MAPK10: variants seen among roughly 807,000 people sequenced by gnomAD.
The protein encoded by MAPK10 is mitogen-activated protein kinase 10, also known as JNK3 alpha protein kinase.
Under a neutral mutation model 59.3 loss-of-function variants are expected in MAPK10, and 25 were observed. The observed-to-expected ratio is 0.42, with a 90% CI of 0.31 to 0.59. MAPK10 has a LOEUF of 0.59. Among genes scored for constraint, MAPK10 ranks in the 20% least tolerant of loss-of-function variants. The pLI, the probability that MAPK10 is intolerant of heterozygous loss-of-function variation, is 0.15. For synonymous variants in MAPK10, 190 were observed against 200.5 expected, an observed-to-expected ratio of 0.95 and a Z score of 0.44; for missense variants, 351 against 568.9, an observed-to-expected ratio of 0.62 and a Z score of 3.90.
chr4:86,592,278 C>G (rs562688455), intron 1 of MAPK10, among the ~76,000 whole-genome samples: 2 of 151,890 alleles, frequency 1.3e-5, no homozygotes, highest in Non-Finnish European at 2.9e-5. Flanking sequence ...TATTTTAAAA[C>G]CAGTCTTTCA....
At chr4:86,374,519 A>G (rs1276794693) in intron 1 of MAPK10, among the ~76,000 whole-genome samples, 1 of 152,198 alleles carries the variant, frequency 6.6e-6, no homozygotes, top group African/African-American at 2.4e-5. Context: ...AGCCTATGGA[A>G]AGGTGGCAGT....
chr4:86,172,874 A>T (rs764927798), intron 3 of MAPK10, among the ~76,000 whole-genome samples: 1 of 152,108 alleles, frequency 6.6e-6, no homozygotes, highest in African/African-American at 2.4e-5. Flanking sequence ...CAATTGCTAC[A>T]AAGAGAATAA....
chr4:86,165,103 G>A (rs1361198122), intron 3 of MAPK10, among the ~76,000 whole-genome samples: 1 of 152,136 alleles, frequency 6.6e-6, no homozygotes, highest in Non-Finnish European at 1.5e-5. Context: ...GTGCACTTGT[G>A]GAAAATTAGC....
intron 2 of MAPK10, among the ~76,000 whole-genome samples, chr4:86,297,892 G>T (rs1157939431): frequency 6.6e-6 from 1 of 152,148 alleles, no homozygotes. Context: ...TGGCATAGAA[G>T]ATCTCTCATG....
intron 2 of MAPK10, among the ~76,000 whole-genome samples, chr4:86,200,794 G>T (rs976926713): frequency 6.6e-6 from 1 of 151,816 alleles, no homozygotes; most frequent in African/African-American, 2.4e-5. Context: ...AATGTGTAAT[G>T]ACTAAATCAG....
intron 1 of MAPK10, among the ~76,000 whole-genome samples, chr4:86,551,576 TTC>T (rs146552435): frequency 6.0e-4 from 89 of 148,772 alleles, no homozygotes; most frequent in Non-Finnish European, 5.7e-4. Context: ...CTCTCTTTCT[TTC>T]TCTCTCTCTC....
chr4:86,372,564 G>GAAAGAAAGAAAAGAAAAGAAAAGA, intron 1 of MAPK10, among the ~76,000 whole-genome samples: 71 of 78,614 alleles, frequency 9.0e-4, no homozygotes, highest in African/African-American at 2.8e-3. Context: ...AAGAAAGAAA[G>GAAAGAAAGAAAAGAAAAGAAAAGA]AAAGAAAAGA....
chr4:86,434,913 G>A (rs1169769216), intron 1 of MAPK10, among the ~76,000 whole-genome samples: 2 of 152,096 alleles, frequency 1.3e-5, no homozygotes, highest in African/African-American at 4.8e-5. Context: ...ATGAATGAGT[G>A]GATAAATAAA....
At chr4:86,294,897 G>A (rs1459704835) in intron 2 of MAPK10, among the ~76,000 whole-genome samples, 2 of 152,148 alleles carry the variant, frequency 1.3e-5, no homozygotes, top group African/African-American at 4.8e-5. Context: ...ACAAGGCTTT[G>A]GAAAGAACCT....
intron 1 of MAPK10, among the ~76,000 whole-genome samples, chr4:86,444,773 T>C (rs1390901257): frequency 6.7e-6 from 1 of 149,410 alleles, no homozygotes; most frequent in Non-Finnish European, 1.5e-5. Context: ...GAACAGACAC[T>C]TCTCAAAAGA....
At chr4:86,198,359 C>T (rs1324495863) in intron 2 of MAPK10, among the ~76,000 whole-genome samples, 1 of 152,052 alleles carries the variant, frequency 6.6e-6, no homozygotes, top group Non-Finnish European at 1.5e-5. Context: ...GTCACCTGAA[C>T]ATTACATCAT....
intron 1 of MAPK10, among the ~76,000 whole-genome samples, chr4:86,534,796 T>C (rs768216238): frequency 6.6e-6 from 1 of 151,826 alleles, no homozygotes; most frequent in Non-Finnish European, 1.5e-5. Context: ...ATCCCAGCTA[T>C]TCAGGAGGCT....
At chr4:86,197,303 G>A (rs914899692) in intron 2 of MAPK10, among the ~76,000 whole-genome samples, 1 of 151,978 alleles carries the variant, frequency 6.6e-6, no homozygotes, top group Non-Finnish European at 1.5e-5. Context: ...GTCTTCCTAG[G>A]TATTTTGTTC....
At chr4:86,029,970 C>G (rs2043648) in intron 12 of MAPK10, among the ~76,000 whole-genome samples, 3 of 142,538 alleles carry the variant, frequency 2.1e-5, no homozygotes. Context: ...TCTGTTTACT[C>G]TGTCCCTTTA....
chr4:86,113,929 C>G (rs2057924209), intron 4 of MAPK10, among the ~76,000 whole-genome samples: 1 of 152,110 alleles, frequency 6.6e-6, no homozygotes, highest in South Asian at 2.1e-4. Flanking sequence ...TCTTTTTTCT[C>G]TAACCTTGCC....
chr4:86,229,406 T>C (rs2091196247), intron 2 of MAPK10, among the ~76,000 whole-genome samples: 1 of 152,162 alleles, frequency 6.6e-6, no homozygotes, highest in South Asian at 2.1e-4. Flanking sequence ...ATATTATGCC[T>C]ACACCTGAAA....
Position 86,145,230 on chromosome 4 carries a change from C to T in MAPK10, c.236+14068G>A, listed in dbSNP as rs866754129. Among the ~76,000 whole-genome samples the T allele has an allele frequency of 3.6e-4, 33 of 91,988 alleles. 11 individuals are homozygous for T. The highest frequency in any genetic ancestry group is 1.8e-3 in the African/African-American group (29 of 15,754). 60.3% of individuals were successfully genotyped at this position (91,988 alleles called of 152,430 possible). On this transcript the variant is annotated intron_variant, in intron 4 of 13. Transcript: ENST00000641462. ...TTCTATCTCTAGCCGGGCGTGGTGGCGCGCGCCTGTAGTCCCAGCTACACG... is the reference window on the plus strand; with the variant it reads ...TTCTATCTCTAGCCGGGCGTGGTGGTGCGCGCCTGTAGTCCCAGCTACACG...
At chr4:86,266,840 A>G (rs2094258499) in intron 2 of MAPK10, among the ~76,000 whole-genome samples, 1 of 152,130 alleles carries the variant, frequency 6.6e-6, no homozygotes, top group Non-Finnish European at 1.5e-5. Flanking sequence ...TAAAAATATA[A>G]TAACACATCA....
chr4:86,468,714 C>T (rs574801690), intron 1 of MAPK10, among the ~76,000 whole-genome samples: 4 of 152,102 alleles, frequency 2.6e-5, no homozygotes, highest in East Asian at 1.9e-4. Flanking sequence ...ATTAGCCAGG[C>T]GTGGTGGCAT....
Sources: gnomAD v4.1 joint callset for allele counts (sites outside exome capture counted in the v4.1 genomes callset) on GRCh38, gnomAD v4.1.1 for gene constraint, MANE v1.5 for transcripts, NCBI Gene and HGNC (gene_info 2026-07-23, HGNC 2026-07-21) for gene names.